ENTREP2: variants seen among roughly 807,000 people sequenced by gnomAD.
ENTREP2 encodes endosomal transmembrane epsin interactor 2, also known as protein ENTREP2.
At chr15:29,465,566 C>T in the ENTREP2 span, among the ~76,000 whole-genome samples, 3 of 152,320 alleles carry the variant, frequency 2.0e-5, no homozygotes, top group East Asian at 1.9e-4. Context: ...AAAATAACAA[C>T]TTCCATTTGC....
At chr15:29,215,640 A>G in the ENTREP2 span, among the ~76,000 whole-genome samples, 3 of 151,720 alleles carry the variant, frequency 2.0e-5, no homozygotes, top group Non-Finnish European at 4.4e-5. Flanking sequence ...CTAACACACC[A>G]TTATACAAAT....
the ENTREP2 span, among the ~76,000 whole-genome samples, chr15:29,386,761 T>C: frequency 6.6e-6 from 1 of 152,208 alleles, no homozygotes; most frequent in South Asian, 2.1e-4. Context: ...TCTCACGCTC[T>C]CCGCACACAC....
the ENTREP2 span, among the ~76,000 whole-genome samples, chr15:29,131,727 ATG>A: frequency 9.9e-6 from 1 of 101,500 alleles, no homozygotes; most frequent in Non-Finnish European, 1.9e-5. Flanking sequence ...TCCGGTCTCC[ATG>A]TGAGAGTGCG....
At chr15:29,162,427 T>C in the ENTREP2 span, among the ~76,000 whole-genome samples, 1 of 152,184 alleles carries the variant, frequency 6.6e-6, no homozygotes, top group African/African-American at 2.4e-5. Context: ...CTCAAGCCTG[T>C]CTCACCCACT....
At chr15:29,602,363 G>A in the ENTREP2 span, among the ~76,000 whole-genome samples, 1 of 152,116 alleles carries the variant, frequency 6.6e-6, no homozygotes, top group African/African-American at 2.4e-5. Context: ...TCAATTCTTG[G>A]TCTGGGTCTG....
chr15:29,451,573 G>A, the ENTREP2 span, among the ~76,000 whole-genome samples: 4 of 152,300 alleles, frequency 2.6e-5, no homozygotes, highest in East Asian at 3.9e-4. Flanking sequence ...TGGATGACTC[G>A]GGGCGTGACT....
At chr15:29,511,306 G>T in the ENTREP2 span, among the ~76,000 whole-genome samples, 1 of 151,744 alleles carries the variant, frequency 6.6e-6, no homozygotes, top group East Asian at 1.9e-4. Context: ...TATATCCAGA[G>T]TGTCAGAGAT....
the ENTREP2 span, among the ~76,000 whole-genome samples, chr15:29,334,056 C>T: frequency 1.8e-4 from 28 of 152,164 alleles, no homozygotes; most frequent in African/African-American, 6.3e-4. Context: ...GCTGCCAACA[C>T]CTTGATCTCT....
chr15:29,395,838 T>G, the ENTREP2 span, among the ~76,000 whole-genome samples: 1 of 152,116 alleles, frequency 6.6e-6, no homozygotes, highest in Non-Finnish European at 1.5e-5. Flanking sequence ...CAGCCATTGT[T>G]GTGATTTTGA....
the ENTREP2 span, among the ~76,000 whole-genome samples, chr15:29,606,481 G>A: frequency 6.6e-5 from 10 of 151,878 alleles, no homozygotes; most frequent in Admixed American, 1.3e-4. Context: ...TGATCCACCC[G>A]CCTCAGCCTC....
chr15:29,639,053 C>T, the ENTREP2 span, among the ~76,000 whole-genome samples: 7,057 of 152,286 alleles, frequency 0.046, 187 homozygotes, highest in South Asian at 0.066. Flanking sequence ...TGTTGGGATG[C>T]TAAAGTGATT....
At chr15:29,588,416 A>T in the ENTREP2 span, among the ~76,000 whole-genome samples, 4 of 151,732 alleles carry the variant, frequency 2.6e-5, no homozygotes, top group African/African-American at 9.7e-5. Flanking sequence ...TGTAGTGAGC[A>T]GATATTGTGC....
the ENTREP2 span, among the ~76,000 whole-genome samples, chr15:29,304,674 C>G: frequency 6.6e-6 from 1 of 152,160 alleles, no homozygotes; most frequent in Non-Finnish European, 1.5e-5. Flanking sequence ...CTACAGCACA[C>G]AGAGTAAAAG....
At chr15:29,278,245 C>A in the ENTREP2 span, among the ~76,000 whole-genome samples, 2 of 152,182 alleles carry the variant, frequency 1.3e-5, no homozygotes, top group Non-Finnish European at 2.9e-5. Flanking sequence ...AGGGTTCCTC[C>A]CTCCCTGAGA....
At chr15:29,286,812 C>T in the ENTREP2 span, among the ~76,000 whole-genome samples, 1 of 152,234 alleles carries the variant, frequency 6.6e-6, no homozygotes, top group Admixed American at 6.5e-5. Context: ...TCTTCTTTCT[C>T]CTTCCTGCCT....
chr15:29,466,293 G>C, the ENTREP2 span, among the ~76,000 whole-genome samples: 3 of 152,332 alleles, frequency 2.0e-5, no homozygotes, highest in South Asian at 4.1e-4. Flanking sequence ...TTCTGTCATG[G>C]TCACTCTGGC....
the ENTREP2 span, among the ~76,000 whole-genome samples, chr15:29,650,011 G>A: frequency 1.3e-5 from 2 of 152,066 alleles, no homozygotes; most frequent in Non-Finnish European, 2.9e-5. Context: ...AATTGTGATG[G>A]TGGGACACAG....
chr15:29,310,680 G>GAAGC, the ENTREP2 span, among the ~76,000 whole-genome samples: 1 of 152,010 alleles, frequency 6.6e-6, no homozygotes, highest in Non-Finnish European at 1.5e-5. Context: ...AAGGTGCATG[G>GAAGC]AAGCACACCA....
chr15:29,485,861 G>A, the ENTREP2 span, among the ~76,000 whole-genome samples: 367 of 152,230 alleles, frequency 2.4e-3, 5 homozygotes, highest in Middle Eastern at 0.01. Flanking sequence ...AAGACAGAAC[G>A]TAATAAATGC....
Sources: allele counts gnomAD v4.1 joint callset (sites outside exome capture counted in the v4.1 genomes callset), GRCh38; gene constraint gnomAD v4.1.1; transcripts MANE v1.5; gene names NCBI Gene and HGNC (gene_info 2026-07-23, HGNC 2026-07-21).